The following LIPA variants were observed in gnomAD, a reference collection of about 807,000 sequenced individuals.
The protein encoded by LIPA is lipase A, lysosomal acid type.
Under a neutral mutation model 40.6 loss-of-function variants are expected in LIPA, and 26 were observed. The ratio of observed to expected loss-of-function variants is 0.64; its 90% confidence interval spans 0.47 to 0.89. The LOEUF is 0.89. Ranked by LOEUF, LIPA falls within the 40% of genes least tolerant of loss-of-function variation. The probability of loss-of-function intolerance (pLI) is 0.00; values close to 1 mark genes in which losing one functional copy is unlikely to be tolerated. For missense variants in LIPA, 455 were observed against 479.6 expected (o/e 0.95, Z 0.48); for synonymous variants, 188 against 168.4 (o/e 1.12, Z -0.90).
chr10:89,243,290 A>G (rs766529919), intron 3 of LIPA, among the ~76,000 whole-genome samples: 1 of 152,228 alleles, frequency 6.6e-6, no homozygotes, highest in Non-Finnish European at 1.5e-5. Context: ...GCGCCTATGC[A>G]GTTCTTAGGA....
chr10:89,360,122 A>ACATATGAG (rs1237441183), intron 2 of LIPA, among the ~76,000 whole-genome samples: 1 of 152,192 alleles, frequency 6.6e-6, no homozygotes, highest in Non-Finnish European at 1.5e-5. Flanking sequence ...TAATCATAAA[A>ACATATGAG]CATATGAGAA....
intron 2 of LIPA, chr10:89,403,187 G>A (rs1408085801): frequency 1.9e-6 from 3 of 1,614,084 alleles, no homozygotes; most frequent in Middle Eastern, 1.6e-4. Context: ...AAATCAAGGA[G>A]GCTACAAAAG....
chr10:89,293,678 A>ACGAGAGAC (rs563646884), intron 1 of LIPA: 3 of 126,268 alleles, frequency 2.4e-5, no homozygotes, highest in Non-Finnish European at 4.8e-5. Context: ...TCTGTGTGAG[A>ACGAGAGAC]TGAGAGAGAG....
At chr10:89,269,098 G>A (rs549382771) in intron 1 of LIPA, among the ~76,000 whole-genome samples, 1 of 152,192 alleles carries the variant, frequency 6.6e-6, no homozygotes, top group South Asian at 2.1e-4. Context: ...GCTGAGGCAG[G>A]TGGACCACCT....
intron 1 of LIPA, among the ~76,000 whole-genome samples, chr10:89,259,112 T>A (rs1289882242): frequency 6.6e-6 from 1 of 152,202 alleles, no homozygotes; most frequent in African/African-American, 2.4e-5. Flanking sequence ...TTAATTGCAA[T>A]GATAGTTGCA....
chr10:89,273,203 T>G (rs1843274444), intron 1 of LIPA, among the ~76,000 whole-genome samples: 1 of 151,486 alleles, frequency 6.6e-6, no homozygotes. Flanking sequence ...TTGTTTTTTG[T>G]AAAAGAAATT....
chr10:89,215,941 G>A lies in LIPA; in HGVS notation c.963C>T (p.Asn321=). ...GSSAKNYFHY[N]QSYPPTYNVK... ...ATGAAAAGACTAAAAACTTTACCTG[G>A]TTGTAATGAAAATAATTCTTGGCAC... Residue 321 remains asparagine, a synonymous_variant, in exon 9 of 10, where the codon AAC becomes AAT. Coordinates refer to ENST00000336233, the MANE Select transcript of LIPA (RefSeq NM_000235.4). 3 of 1,603,918 alleles carry A rather than the reference G, an allele frequency of 1.9e-6. No homozygotes were observed. The highest frequency in any genetic ancestry group is 2.6e-6 in the Non-Finnish European group (3 of 1,170,756).
intron 2 of LIPA, among the ~76,000 whole-genome samples, chr10:89,350,673 A>G (rs556529120): frequency 6.6e-6 from 1 of 152,258 alleles, no homozygotes; most frequent in South Asian, 2.1e-4. Flanking sequence ...AGGATACTAC[A>G]GAAGAGAGAA....
Position 89,399,677 on chromosome 10 carries a change from A to G in LIPA, c.61+13114T>C, listed in dbSNP as rs556123292. On this transcript the variant is annotated intron_variant, in intron 2 of 8. Coordinates refer to the LIPA transcript ENST00000371837. ...CATTCTTATTGAAAATCATTCCACC[A>G]TTGTTATGGAATGAATTGTGCACTT... 1.2e-4 allele frequency among the ~76,000 whole-genome samples: 18 copies of G among 152,214 alleles called. 1 individual carries two copies. Among genetic ancestry groups the G allele is most frequent in the African/African-American group, 4.3e-4 (18 of 41,524 alleles).
At chr10:89,239,059 G>A (rs542684929) in intron 3 of LIPA, among the ~76,000 whole-genome samples, 136 of 152,334 alleles carry the variant, frequency 8.9e-4, no homozygotes, top group African/African-American at 3.2e-3. Context: ...CATACTAAGT[G>A]TTGACAATGT....
intron 2 of LIPA, among the ~76,000 whole-genome samples, chr10:89,374,343 A>T (rs191630084): frequency 0.042 from 6,176 of 147,912 alleles, 409 homozygotes; most frequent in African/African-American, 0.14. Flanking sequence ...ACACACACAC[A>T]CTCTCTCTCT....
intron 1 of LIPA, among the ~76,000 whole-genome samples, chr10:89,301,068 C>T (rs990001789): frequency 2.0e-5 from 3 of 152,176 alleles, no homozygotes; most frequent in Non-Finnish European, 2.9e-5. Context: ...GGACATTTCA[C>T]GTATTCTCTC....
Position 89,295,373 on chromosome 10 carries a change from A to T in LIPA, c.-2+47238T>A, listed in dbSNP as rs79448144. Reference sequence around the variant, plus strand: ...AACAAAAAAGAGGGTCAAATTTTTTAAAAAATCTCAAGGAAAAAGCATAGA... The same window carrying T: ...AACAAAAAAGAGGGTCAAATTTTTTTAAAAATCTCAAGGAAAAAGCATAGA... On this transcript the variant is annotated intron_variant, in intron 1 of 5. Transcript: ENST00000282673. 7.1e-3 allele frequency among the ~76,000 whole-genome samples: 1,087 copies of T among 152,334 alleles called. 12 individuals are homozygous for T. The highest frequency in any genetic ancestry group is 0.025 in the African/African-American group (1,028 of 41,552).
intron 2 of LIPA, among the ~76,000 whole-genome samples, chr10:89,394,924 A>C (rs940146253): frequency 2.0e-5 from 3 of 152,090 alleles, no homozygotes; most frequent in African/African-American, 7.2e-5. Context: ...ATTTCATATA[A>C]ATGGAAACAC....
At chr10:89,306,134 C>T in intron 1 of LIPA, 2 of 1,614,112 alleles carry the variant, frequency 1.2e-6, no homozygotes, top group Non-Finnish European at 1.7e-6. Flanking sequence ...ACTGGCCTAT[C>T]TAAAGCACCT....
intron 2 of LIPA, among the ~76,000 whole-genome samples, chr10:89,410,291 G>C (rs1220199703): frequency 6.6e-6 from 1 of 152,190 alleles, no homozygotes; most frequent in Non-Finnish European, 1.5e-5. Flanking sequence ...TAGATACCAG[G>C]TGCTACTCCT....
chr10:89,336,897 A>T (rs974357584), intron 1 of LIPA, among the ~76,000 whole-genome samples: 1 of 152,254 alleles, frequency 6.6e-6, no homozygotes, highest in African/African-American at 2.4e-5. Context: ...AGGGACATAC[A>T]GCCCAAGCCC....
intron 1 of LIPA, among the ~76,000 whole-genome samples, chr10:89,260,988 C>A (rs1244852337): frequency 6.6e-6 from 1 of 152,192 alleles, no homozygotes; most frequent in Non-Finnish European, 1.5e-5. Context: ...AGTAGTGACA[C>A]ATTCCAGCAC....
chr10:89,221,953 T>G (rs558570846), intron 8 of LIPA, among the ~76,000 whole-genome samples: 2 of 152,220 alleles, frequency 1.3e-5, no homozygotes, highest in Admixed American at 6.5e-5. Context: ...TTTTCTAGAA[T>G]GAACATGACT....
Sources: gnomAD v4.1 joint callset for allele counts (sites outside exome capture counted in the v4.1 genomes callset) on GRCh38, gnomAD v4.1.1 for gene constraint, MANE v1.5 for transcripts, NCBI Gene and HGNC (gene_info 2026-07-23, HGNC 2026-07-21) for gene names.